The following RGS6 variants were observed in gnomAD, a reference collection of about 807,000 sequenced individuals.
RGS6 encodes regulator of G-protein signaling 6.
Under a neutral mutation model 78.5 loss-of-function variants are expected in RGS6, and 30 were observed. The observed-to-expected ratio is 0.38, with a 90% CI of 0.29 to 0.52. The LOEUF is 0.52. Ranked by LOEUF, RGS6 falls within the 20% of genes least tolerant of loss-of-function variation. The pLI is 0.85. For synonymous variants in RGS6, 206 were observed against 206.0 expected, an observed-to-expected ratio of 1.00 and a Z score of 0.00; for missense variants, 495 against 609.7, an observed-to-expected ratio of 0.81 and a Z score of 1.98.
At chr14:72,272,949 T>C (rs1379388128) in intron 2 of RGS6, among the ~76,000 whole-genome samples, 1 of 152,132 alleles carries the variant, frequency 6.6e-6, no homozygotes, top group Non-Finnish European at 1.5e-5. Context: ...ACCCCATCTC[T>C]ACTAAAAATA....
At chr14:71,990,425 T>C in intron 2 of RGS6, 2 of 361,694 alleles carry the variant, frequency 5.5e-6, no homozygotes, top group Non-Finnish European at 1.1e-5. Flanking sequence ...TGAAAAGTTA[T>C]TGGGAAACAC....
chr14:72,377,425 A>T (rs968376242), intron 3 of RGS6, among the ~76,000 whole-genome samples: 1 of 152,184 alleles, frequency 6.6e-6, no homozygotes, highest in Admixed American at 6.5e-5. Flanking sequence ...AAAGGGAGAG[A>T]TAGACTACAA....
chr14:72,317,733 A>G (rs1450462299), intron 2 of RGS6, among the ~76,000 whole-genome samples: 1 of 152,190 alleles, frequency 6.6e-6, no homozygotes, highest in Admixed American at 6.5e-5. Context: ...AAATTTTAAG[A>G]TGTCATCAGA....
chr14:72,148,713 A>G (rs2096641932), intron 2 of RGS6, among the ~76,000 whole-genome samples: 1 of 152,210 alleles, frequency 6.6e-6, no homozygotes, highest in African/African-American at 2.4e-5. Context: ...CCTGCTGAGT[A>G]GGATGAATGG....
intron 2 of RGS6, among the ~76,000 whole-genome samples, chr14:72,344,569 A>G (rs887264668): frequency 6.6e-6 from 1 of 152,236 alleles, no homozygotes; most frequent in African/African-American, 2.4e-5. Context: ...CTGGAATCCA[A>G]GATAAAGTTC....
At chr14:72,163,875 T>G (rs1361648013) in intron 2 of RGS6, among the ~76,000 whole-genome samples, 3 of 115,564 alleles carry the variant, frequency 2.6e-5, no homozygotes, top group African/African-American at 1.0e-4. Flanking sequence ...AGAGTGAGAC[T>G]CCATCTCAAA....
intron 3 of RGS6, among the ~76,000 whole-genome samples, chr14:72,424,822 C>G (rs976226464): frequency 6.6e-6 from 1 of 152,142 alleles, no homozygotes; most frequent in Non-Finnish European, 1.5e-5. Flanking sequence ...ATAATCCCTG[C>G]CCAGAACCAA....
intron 17 of RGS6, among the ~76,000 whole-genome samples, chr14:72,542,257 A>G (rs368028846): frequency 1.3e-5 from 2 of 152,160 alleles, no homozygotes; most frequent in South Asian, 4.1e-4. Context: ...GCCCCACAAG[A>G]TGTGGCTAAG....
intron 2 of RGS6, among the ~76,000 whole-genome samples, chr14:72,053,292 G>T (rs562100808): frequency 1.1e-4 from 17 of 150,974 alleles, no homozygotes; most frequent in Non-Finnish European, 8.8e-5. Context: ...GCTAATTTTC[G>T]TATTTTTAGT....
the RGS6 span, among the ~76,000 whole-genome samples, chr14:71,924,811 C>G: frequency 5.3e-5 from 8 of 152,234 alleles, no homozygotes; most frequent in African/African-American, 1.9e-4. Flanking sequence ...GTTTCTTTAT[C>G]CATTCATCCA....
intron 1 of RGS6, among the ~76,000 whole-genome samples, chr14:71,949,381 T>C (rs1195432383): frequency 1.3e-5 from 2 of 152,228 alleles, no homozygotes; most frequent in Non-Finnish European, 2.9e-5. Context: ...CGTAGTGATG[T>C]CTTATTATGG....
intron 17 of RGS6, among the ~76,000 whole-genome samples, chr14:72,553,561 G>A (rs1175557957): frequency 2.6e-5 from 4 of 152,070 alleles, no homozygotes; most frequent in African/African-American, 9.7e-5. Flanking sequence ...TGTACCCATA[G>A]TTTTTCTCTC....
intron 2 of RGS6, among the ~76,000 whole-genome samples, chr14:72,349,374 C>G (rs1418079959): frequency 6.6e-6 from 1 of 152,076 alleles, no homozygotes; most frequent in Non-Finnish European, 1.5e-5. Context: ...CATGCAGGTA[C>G]ATAGCAAGTC....
intron 1 of RGS6, among the ~76,000 whole-genome samples, chr14:71,933,855 G>A (rs1320261556): frequency 6.6e-6 from 1 of 152,126 alleles, no homozygotes; most frequent in Non-Finnish European, 1.5e-5. Flanking sequence ...TTCCAGGGAG[G>A]GTGAGAGATG....
At chr14:72,598,999 C>T in the RGS6 span, among the ~76,000 whole-genome samples, 11 of 151,878 alleles carry the variant, frequency 7.2e-5, no homozygotes, top group East Asian at 7.7e-4. Flanking sequence ...AGTGCAGCCA[C>T]GGGATTCTCT....
At chr14:72,400,465 GTTTA>G (rs757278896) in intron 3 of RGS6, among the ~76,000 whole-genome samples, 42 of 152,104 alleles carry the variant, frequency 2.8e-4, no homozygotes, top group Non-Finnish European at 4.4e-4. Context: ...TTCAACCAGT[GTTTA>G]TTTAGAGAAT....
In RGS6 at chr14:72,199,755, GGTCTAAGT is replaced by G. The variant is rs373351571; in HGVS notation, c.85-152338_85-152331del. Among the ~76,000 whole-genome samples, 4 of 152,244 alleles carry G rather than the reference GGTCTAAGT, an allele frequency of 2.6e-5. No homozygotes were observed. In the East Asian group the frequency reaches 7.7e-4, roughly 29 times the overall value. ...CTTTGTAAGATGTTATGATGTACAG[GGTCTAAGT>G]GGTGGAAGGATGTGTCTTTCCTTTA... On this transcript the variant is annotated intron_variant, in intron 2 of 17. Coordinates refer to ENST00000553525, the MANE Select transcript of RGS6 (RefSeq NM_001204424.2).
At chr14:72,516,402 G>A (rs2153457383) in intron 14 of RGS6, among the ~76,000 whole-genome samples, 1 of 152,318 alleles carries the variant, frequency 6.6e-6, no homozygotes, top group Admixed American at 6.5e-5. Flanking sequence ...TAGGGGAACA[G>A]CTCCTTTCAA....
chr14:72,495,158 T>A lies in RGS6; in HGVS notation c.861T>A (p.Ile287=). The A allele has an allele frequency of 1.2e-6, 2 of 1,606,276 alleles. No homozygotes were observed. Among genetic ancestry groups the A allele is most frequent in the Non-Finnish European group, 1.7e-6 (2 of 1,172,894 alleles). Residue 287 remains isoleucine, a synonymous_variant, in exon 13 of 18, where the codon ATT becomes ATA. Coordinates refer to ENST00000553525, the MANE Select transcript of RGS6 (RefSeq NM_001204424.2). ...CTCTGCCTCCCTCCTGCAGTTTAAT[T>A]GCCTACACGGAACAATATGTGGAAT... The part of the protein sequence containing the change: ...LKMSKVAESL[I]AYTEQYVEYD...
Sources: allele counts gnomAD v4.1 joint callset (sites outside exome capture counted in the v4.1 genomes callset), GRCh38; gene constraint gnomAD v4.1.1; transcripts MANE v1.5; gene names NCBI Gene and HGNC (gene_info 2026-07-23, HGNC 2026-07-21).